The following MAP7 variants were observed in gnomAD, a reference collection of about 807,000 sequenced individuals.
MAP7 encodes ensconsin.
Under a neutral mutation model 94.8 loss-of-function variants are expected in MAP7, and 52 were observed. The ratio of observed to expected loss-of-function variants is 0.55; its 90% CI spans 0.44 to 0.69. The LOEUF (loss-of-function observed/expected upper bound fraction) is 0.69. MAP7 is among the 30% of genes least tolerant of loss of function. The pLI is 0.00. For synonymous variants in MAP7, 350 were observed against 357.0 expected (o/e 0.98, Z 0.22); for missense variants, 940 against 964.6 (o/e 0.97, Z 0.34).
intron 3 of MAP7, among the ~76,000 whole-genome samples, chr6:136,391,441 A>G (rs1350308306): frequency 6.8e-6 from 1 of 147,818 alleles, no homozygotes; most frequent in African/African-American, 2.5e-5. Flanking sequence ...TGGGAGATAT[A>G]CCTAATGCTA....
Position 136,542,275 on chromosome 6 carries a change from C to T in MAP7, c.67+8067G>A, listed in dbSNP as rs996682326. On this transcript the variant is annotated intron_variant, in intron 1 of 17. Transcript: ENST00000354570. Reference sequence around the variant, plus strand: ...GGTAGACAACATCACCGCTAGAGAACGAGACAAACCCTAAAACTGAATTTT... The same window carrying T: ...GGTAGACAACATCACCGCTAGAGAATGAGACAAACCCTAAAACTGAATTTT... Among the ~76,000 whole-genome samples, 8 of 152,084 alleles carry T rather than the reference C, an allele frequency of 5.3e-5. 1 individual carries two copies. In the South Asian group the frequency reaches 6.2e-4, roughly 12 times the overall value.
chr6:136,423,159 C>T (rs1562383702), intron 1 of MAP7, among the ~76,000 whole-genome samples: 1 of 152,170 alleles, frequency 6.6e-6, no homozygotes, highest in Non-Finnish European at 1.5e-5. Context: ...TCTGTGGAGT[C>T]CTGGGCATCC....
intron 1 of MAP7, among the ~76,000 whole-genome samples, chr6:136,440,594 A>G (rs1797549195): frequency 6.6e-6 from 1 of 152,184 alleles, no homozygotes; most frequent in Non-Finnish European, 1.5e-5. Flanking sequence ...CTTTTTGTTA[A>G]AATAGGATTT....
intron 1 of MAP7, among the ~76,000 whole-genome samples, chr6:136,477,439 T>A (rs2128955053): frequency 6.6e-6 from 1 of 152,228 alleles, no homozygotes; most frequent in South Asian, 2.1e-4. Flanking sequence ...AGAAAAGATA[T>A]TGGGACAAAT....
intron 16 of MAP7, among the ~76,000 whole-genome samples, chr6:136,347,448 C>T (rs1029953097): frequency 1.3e-5 from 2 of 152,072 alleles, no homozygotes; most frequent in Non-Finnish European, 1.5e-5. Context: ...CTCTGTTGCC[C>T]AGGCTGGAGT....
At chr6:136,465,868 T>C (rs1173679329) in intron 1 of MAP7, among the ~76,000 whole-genome samples, 1 of 152,130 alleles carries the variant, frequency 6.6e-6, no homozygotes, top group Non-Finnish European at 1.5e-5. Context: ...ATGTAGGAGG[T>C]GTGTTTTTAT....
chr6:136,491,337 A>AT (rs759700449), intron 1 of MAP7, among the ~76,000 whole-genome samples: 28 of 152,332 alleles, frequency 1.8e-4, no homozygotes, highest in Middle Eastern at 3.4e-3. Context: ...TATGCCAATG[A>AT]TTTTAAGTGC....
chr6:136,477,042 A>G (rs1811150163), intron 1 of MAP7, among the ~76,000 whole-genome samples: 1 of 152,230 alleles, frequency 6.6e-6, no homozygotes, highest in Non-Finnish European at 1.5e-5. Flanking sequence ...TATAAGAAAG[A>G]AGAGAATATT....
chr6:136,494,422 G>A (rs1817604182), intron 1 of MAP7, among the ~76,000 whole-genome samples: 1 of 152,116 alleles, frequency 6.6e-6, no homozygotes, highest in Non-Finnish European at 1.5e-5. Flanking sequence ...TAAGATATAT[G>A]GTTTTCTGGG....
rs78400403 is a variant in MAP7, at chr6:136,497,017, G to A, written c.67+53325C>T. Among the ~76,000 whole-genome samples the A allele has an allele frequency of 6.9e-3, 1,042 of 151,934 alleles. 15 individuals are homozygous for A. The highest frequency in any genetic ancestry group is 0.024 in the African/African-American group (998 of 41,346). ...TCCATAACCTAACCTATAACGTAAA[G>A]TACTGCTTTCTGTGCCATCATGTAG... is the stretch of plus-strand genomic sequence containing the variant. On this transcript the variant is annotated intron_variant, in intron 1 of 17. Coordinates refer to ENST00000354570, the MANE Select transcript of MAP7 (RefSeq NM_003980.6).
intron 3 of MAP7, among the ~76,000 whole-genome samples, chr6:136,402,278 C>G (rs745965731): frequency 2.0e-5 from 3 of 152,218 alleles, no homozygotes; most frequent in Non-Finnish European, 2.9e-5. Flanking sequence ...CACACAATGT[C>G]TAGTCTAGCA....
chr6:136,396,404 G>T (rs1476840984), intron 3 of MAP7, among the ~76,000 whole-genome samples: 2 of 151,924 alleles, frequency 1.3e-5, no homozygotes, highest in African/African-American at 4.8e-5. Context: ...TGTTAATTTT[G>T]TACCTTGCAA....
intron 4 of MAP7, 121 bp from the exon 5 acceptor site, chr6:136,388,631 T>C: frequency 1.3e-6 from 1 of 751,178 alleles, no homozygotes; most frequent in Non-Finnish European, 2.3e-6. Context: ...TCTTGATCTC[T>C]AGCTGAACTT....
chr6:136,475,886 G>A (rs1327780381), intron 1 of MAP7: 1 of 151,954 alleles, frequency 6.6e-6, no homozygotes, highest in African/African-American at 2.4e-5. Flanking sequence ...GCAATGAAGG[G>A]GTATACTTCC....
Position 136,421,794 on chromosome 6 carries a change from C to A in MAP7, c.73G>T (p.Asp25Tyr), listed in dbSNP as rs757722809. 6.2e-7 allele frequency: 1 copy of A among 1,607,096 alleles called. No individual in the cohort carries two copies. The highest frequency in any genetic ancestry group is 1.1e-5 in the South Asian group (1 of 89,210). Reference protein sequence around the residue: ...DGAVRSETAPDSYKVQDKKNA... With the variant: ...DGAVRSETAPYSYKVQDKKNA... ...TTCTTATCTTGCACTTTGTAGCTGT[C>A]GGGTGCTACAGAAATGAGACAAAAG... Residue 25 changes from aspartate (D) to tyrosine (Y), a missense_variant, in exon 2 of 18, where the codon GAC becomes TAC. Asp to Tyr is a radical substitution (Grantham distance 160). Coordinates refer to ENST00000354570, the MANE Select transcript of MAP7 (RefSeq NM_003980.6).
intron 1 of MAP7, among the ~76,000 whole-genome samples, chr6:136,508,975 C>T (rs190259818): frequency 1.3e-5 from 2 of 152,318 alleles, no homozygotes; most frequent in Admixed American, 6.5e-5. Flanking sequence ...GCTTTCTAAA[C>T]ACATCACCTG....
intron 1 of MAP7, among the ~76,000 whole-genome samples, chr6:136,539,490 A>G (rs898569343): frequency 6.6e-6 from 1 of 152,248 alleles, no homozygotes; most frequent in East Asian, 1.9e-4. Flanking sequence ...ACTCTTATTT[A>G]GGAATCAGTC....
chr6:136,521,687 A>C (rs1826450837), intron 1 of MAP7, among the ~76,000 whole-genome samples: 1 of 152,196 alleles, frequency 6.6e-6, no homozygotes, highest in Non-Finnish European at 1.5e-5. Flanking sequence ...CATTGTGTGG[A>C]TGTCTTGCTT....
chr6:136,436,889 A>T (rs1232917655), intron 1 of MAP7, among the ~76,000 whole-genome samples: 2 of 152,240 alleles, frequency 1.3e-5, no homozygotes, highest in Admixed American at 1.3e-4. Flanking sequence ...GAAAAATCAC[A>T]CTAAAGTAAT....
Sources: gnomAD v4.1 joint callset for allele counts (sites outside exome capture counted in the v4.1 genomes callset) on GRCh38, gnomAD v4.1.1 for gene constraint, MANE v1.5 for transcripts, NCBI Gene and HGNC (gene_info 2026-07-23, HGNC 2026-07-21) for gene names.